FHIT: variants seen among roughly 807,000 people sequenced by gnomAD.
The protein encoded by FHIT is fragile histidine triad diadenosine triphosphatase.
In FHIT, 19 loss-of-function variants were observed where a neutral mutation model predicts 17.9. That is an observed-to-expected ratio of 1.06 (90% confidence interval 0.74 to 1.56). The LOEUF is 1.56. FHIT is among the 40% of genes most tolerant of loss of function. FHIT has a pLI of 0.00. For synonymous variants in FHIT, 81 were observed against 69.7 expected (o/e 1.16, Z -0.81); for missense variants, 248 against 189.2 (o/e 1.31, Z -1.82).
intron 5 of FHIT, among the ~76,000 whole-genome samples, chr3:60,368,965 C>G (rs1319687700): frequency 1.3e-5 from 2 of 150,566 alleles, no homozygotes; most frequent in Non-Finnish European, 2.9e-5. Flanking sequence ...AATCATGGCA[C>G]TTTTCTTTTC....
At chr3:59,807,612 A>G (rs371437965) in intron 8 of FHIT, among the ~76,000 whole-genome samples, 150 of 152,328 alleles carry the variant, frequency 9.8e-4, no homozygotes, top group African/African-American at 3.3e-3. Context: ...TGTGCTGTCC[A>G]TATTCCTCGG....
chr3:61,146,031 G>A (rs2037217884), intron 2 of FHIT, among the ~76,000 whole-genome samples: 1 of 152,090 alleles, frequency 6.6e-6, no homozygotes, highest in South Asian at 2.1e-4. Flanking sequence ...ATTAAATCCT[G>A]TCTGCCCTAA....
intron 4 of FHIT, among the ~76,000 whole-genome samples, chr3:60,620,583 T>TA (rs2039092748): frequency 6.8e-6 from 1 of 148,008 alleles, no homozygotes; most frequent in African/African-American, 2.5e-5. Flanking sequence ...TGGGATACAT[T>TA]GGAAAAAAAA....
chr3:60,531,460 A>G (rs962132526), intron 5 of FHIT, among the ~76,000 whole-genome samples: 1 of 151,684 alleles, frequency 6.6e-6, no homozygotes, highest in Admixed American at 6.6e-5. Context: ...TTGTATTTTT[A>G]GTAGAGACGG....
At chr3:60,229,710 T>C (rs1441184125) in intron 5 of FHIT, among the ~76,000 whole-genome samples, 1 of 152,218 alleles carries the variant, frequency 6.6e-6, no homozygotes, top group Non-Finnish European at 1.5e-5. Context: ...CTGAGTGCTG[T>C]GGCTCACACT....
At chr3:60,187,622 G>A (rs1470221396) in intron 5 of FHIT, among the ~76,000 whole-genome samples, 1 of 152,092 alleles carries the variant, frequency 6.6e-6, no homozygotes, top group Non-Finnish European at 1.5e-5. Context: ...CCCTGCTCCT[G>A]CACAAAGCCA....
intron 4 of FHIT, among the ~76,000 whole-genome samples, chr3:60,754,301 T>C (rs185689739): frequency 1.3e-3 from 203 of 152,304 alleles, no homozygotes; most frequent in African/African-American, 2.7e-3. Context: ...ATTGATGCAA[T>C]GTTATCCTGA....
intron 4 of FHIT, among the ~76,000 whole-genome samples, chr3:60,706,509 CTT>C (rs1235608913): frequency 3.3e-5 from 5 of 152,158 alleles, no homozygotes; most frequent in Non-Finnish European, 7.3e-5. Flanking sequence ...GAGGACAAGT[CTT>C]TGGGTTAGAA....
At chr3:60,440,833 T>C (rs9848288) in intron 5 of FHIT, among the ~76,000 whole-genome samples, 7,669 of 152,182 alleles carry the variant, frequency 0.05, 649 homozygotes, top group African/African-American at 0.17. Flanking sequence ...CTCCAGTTGC[T>C]CAGCTTGGAG....
chr3:60,172,208 C>T (rs1218182810), intron 5 of FHIT, among the ~76,000 whole-genome samples: 3 of 152,062 alleles, frequency 2.0e-5, no homozygotes, highest in African/African-American at 4.8e-5. Context: ...AGTGAAAATA[C>T]GAGTTGAGAG....
At chr3:60,206,119 C>A (rs1406026756) in intron 5 of FHIT, among the ~76,000 whole-genome samples, 1 of 134,636 alleles carries the variant, frequency 7.4e-6, no homozygotes, top group East Asian at 2.0e-4. Flanking sequence ...GGCGACACAG[C>A]GAGACTCCGT....
intron 5 of FHIT, among the ~76,000 whole-genome samples, chr3:60,231,818 T>C (rs1217881231): frequency 2.0e-5 from 3 of 152,166 alleles, no homozygotes; most frequent in Admixed American, 6.5e-5. Flanking sequence ...GGTATTCCTG[T>C]GAAAGGATTT....
chr3:60,336,111 T>C (rs377431708), intron 5 of FHIT, among the ~76,000 whole-genome samples: 3 of 152,322 alleles, frequency 2.0e-5, no homozygotes, highest in East Asian at 1.9e-4. Context: ...AGAAAACTAA[T>C]TCTCCATGGG....
chr3:60,066,228 A>T (rs1576015400), intron 5 of FHIT, among the ~76,000 whole-genome samples: 1 of 152,256 alleles, frequency 6.6e-6, no homozygotes, highest in East Asian at 1.9e-4. Context: ...TTAAAATGTA[A>T]GTCAAACTCA....
rs116357524 is a variant in FHIT at position 60,805,449 on chromosome 3, C to A, written c.-18+16470G>T. ...GTCTTTCCTCTGTGTGCTTCCTCCC[C>A]TAGTATCTCCTCTTCTTCTTCTTAT... On this transcript the variant is annotated intron_variant, in intron 4 of 9. Coordinates refer to ENST00000492590, the MANE Select transcript of FHIT (RefSeq NM_002012.4). Among the ~76,000 whole-genome samples, 507 of 152,290 alleles carry A rather than the reference C, an allele frequency of 3.3e-3. 3 individuals are homozygous for A. The highest frequency in any genetic ancestry group is 0.012 in the African/African-American group (484 of 41,554).
intron 3 of FHIT, among the ~76,000 whole-genome samples, chr3:61,002,226 A>C (rs1320566123): frequency 6.6e-6 from 1 of 152,162 alleles, no homozygotes. Flanking sequence ...AGATCTCAAA[A>C]ACTTATTCCT....
chr3:61,162,700 T>C (rs1040486160), intron 2 of FHIT, among the ~76,000 whole-genome samples: 1 of 152,230 alleles, frequency 6.6e-6, no homozygotes, highest in Non-Finnish European at 1.5e-5. Context: ...TGAGGACTAA[T>C]TTTCAACTCT....
intron 8 of FHIT, among the ~76,000 whole-genome samples, chr3:59,841,654 T>C (rs529375266): frequency 1.3e-5 from 2 of 152,150 alleles, no homozygotes; most frequent in East Asian, 3.9e-4. Context: ...TACTCCAGAG[T>C]CCATCTCAGC....
intron 5 of FHIT, among the ~76,000 whole-genome samples, chr3:60,522,976 C>T (rs1018830296): frequency 6.6e-6 from 1 of 152,046 alleles, no homozygotes; most frequent in Non-Finnish European, 1.5e-5. Context: ...ACAATCATGG[C>T]AGAAGTCAAA....
Sources: gnomAD v4.1 joint callset for allele counts (sites outside exome capture counted in the v4.1 genomes callset) on GRCh38, gnomAD v4.1.1 for gene constraint, MANE v1.5 for transcripts, NCBI Gene and HGNC (gene_info 2026-07-23, HGNC 2026-07-21) for gene names.